Variants in ADAM2 observed in about 807,000 individuals in gnomAD.
ADAM2 encodes disintegrin and metalloproteinase domain-containing protein 2.
Under a neutral mutation model 99.3 loss-of-function variants are expected in ADAM2, and 101 were observed. The ratio of observed to expected loss-of-function variants is 1.02; its 90% CI spans 0.87 to 1.20. The LOEUF is 1.20. Ranked by LOEUF, ADAM2 falls within the 50% of genes most tolerant of loss-of-function variation. The pLI, the probability that ADAM2 is intolerant of heterozygous loss-of-function variation, is 0.00. For synonymous variants in ADAM2, 323 were observed against 287.6 expected (o/e 1.12, Z -1.25); for missense variants, 948 against 878.7 (o/e 1.08, Z -1.00).
At chr8:39,807,200 C>T (rs1586133585) in intron 7 of ADAM2, among the ~76,000 whole-genome samples, 2 of 152,334 alleles carry the variant, frequency 1.3e-5, no homozygotes, top group South Asian at 4.1e-4. Context: ...GCTAGACTTT[C>T]GGACTTGCTT....
rs57655234 is a variant in ADAM2, at chr8:39,767,896, T to TCACACACACACA, written c.1213-657_1213-646dup. 5.5e-3 allele frequency among the ~76,000 whole-genome samples: 816 copies of TCACACACACACA among 147,886 alleles called. 8 individuals are homozygous for TCACACACACACA. The highest frequency in any genetic ancestry group is 0.011 in the Middle Eastern group (3 of 276). On this transcript the variant is annotated intron_variant, in intron 12 of 20. Coordinates refer to ENST00000265708, the MANE Select transcript of ADAM2 (RefSeq NM_001464.5). ...ATAAGAAGGCTAAAAGACAATGCAT[T>TCACACACACACA]CACACACACACACACACACACACAC...
At chr8:39,749,623 A>G (rs751853606) in intron 17 of ADAM2, 44 bp downstream of exon 17, 11 of 1,538,992 alleles carry the variant, frequency 7.1e-6, no homozygotes, top group Admixed American at 1.7e-5. Context: ...TCCTAAAATT[A>G]GGCTCAATGA....
At chr8:39,784,616 C>A (rs1803380250) in intron 10 of ADAM2, among the ~76,000 whole-genome samples, 2 of 152,154 alleles carry the variant, frequency 1.3e-5, no homozygotes, top group South Asian at 4.1e-4. Context: ...TAGAGAAAAT[C>A]AGTTCTGCTC....
chr8:39,795,301 AG>A (rs977506245), intron 7 of ADAM2, among the ~76,000 whole-genome samples: 24 of 152,106 alleles, frequency 1.6e-4, no homozygotes, highest in Admixed American at 1.1e-3. Flanking sequence ...TGATGGGAAG[AG>A]GGGTGGGGGT....
Position 39,766,928 on chromosome 8 carries a change from G to T in ADAM2, c.1427C>A (p.Pro476Gln), listed in dbSNP as rs752991137. Residue 476 changes from proline (P) to glutamine (Q), a missense_variant, in exon 14 of 21, where the codon CCG (proline) becomes CAG (glutamine). By Grantham distance (76) the Pro-to-Gln change is moderately conservative. Coordinates refer to ENST00000265708, the MANE Select transcript of ADAM2 (RefSeq NM_001464.5). ...PENHYVQTGH[P>Q]CGLNQWICID... ...ACAGATCCATTGATTCAGTCCACAC[G>T]GATGCCCAGTCTGAACATAGTGGTT... 3 of 1,613,862 alleles carry T rather than the reference G, an allele frequency of 1.9e-6. No individual in the cohort carries two copies. The highest frequency in any genetic ancestry group is 2.5e-6 in the Non-Finnish European group (3 of 1,179,954).
chr8:39,746,706 G>A (rs553741546), intron 18 of ADAM2, 75 bp from the exon 19 acceptor site: 172 of 1,132,928 alleles, frequency 1.5e-4, no homozygotes, highest in African/African-American at 1.2e-3. Context: ...ATTTTACTAC[G>A]TCTACCAAAA....
chr8:39,838,129 ACTACTGT>A lies in ADAM2; in HGVS notation c.50_55+1del. 6.2e-7 allele frequency: 1 copy of A among 1,614,132 alleles called. No individual in the cohort carries two copies. Among genetic ancestry groups the A allele is most frequent in the Non-Finnish European group, 8.5e-7 (1 of 1,180,020 alleles). On this transcript the variant is annotated splice_donor_variant and coding_sequence_variant, in exon 1 of 21. Coordinates refer to ENST00000265708, the MANE Select transcript of ADAM2 (RefSeq NM_001464.5). LOFTEE classifies it high-confidence loss of function. ...GGCCAGAGGAGGGGTTTTTCTGCTT[ACTACTGT>A]CCATCCGCAGCCCGCCGAGCCCGCT... is the stretch of plus-strand genomic sequence containing the variant.
chr8:39,791,287 A>G (rs955976669), intron 7 of ADAM2, among the ~76,000 whole-genome samples: 1 of 152,042 alleles, frequency 6.6e-6, no homozygotes, highest in Non-Finnish European at 1.5e-5. Context: ...TCTCTGCTTT[A>G]ACCCATATAA....
At position 39,746,461 on chromosome 8, in the gene ADAM2, A is replaced by G; in HGVS notation, c.2174+11T>C. 6.6e-7 allele frequency: 1 copy of G among 1,505,256 alleles called. No homozygotes were observed. The highest frequency in any genetic ancestry group is 8.9e-7 in the Non-Finnish European group (1 of 1,125,054). 93.2% of individuals were successfully genotyped at this position (1,505,256 alleles called of 1,614,324 possible). ...TACAAATAACAAATCTTAAATATGA[A>G]ATCAATATACTCATCGCTTGAATAG... On this transcript the variant is annotated intron_variant, in intron 19 of 20. Coordinates refer to ENST00000265708, the MANE Select transcript of ADAM2 (RefSeq NM_001464.5).
At position 39,788,152 on chromosome 8, in the gene ADAM2, G is replaced by A. The variant is rs1300538842; in HGVS notation, c.742C>T (p.His248Tyr). 6.3e-7 allele frequency: 1 copy of A among 1,588,752 alleles called. No homozygotes were observed. Among genetic ancestry groups the A allele is most frequent in the Non-Finnish European group, 8.6e-7 (1 of 1,167,368 alleles). Residue 248 changes from histidine (H) to tyrosine (Y), a missense_variant, in exon 9 of 21, where the codon CAC (histidine) becomes TAC (tyrosine). Coordinates refer to ENST00000265708, the MANE Select transcript of ADAM2 (RefSeq NM_001464.5). ...GATGTTTTCCATCTTAAAAATGTGT[G>A]TAATAACTCATTAGCTTCTCCAGTG... ...ATTGEANELL[H>Y]TFLRWKTSYL...
rs535388074 is a variant in ADAM2, at chr8:39,755,827, G to A, written c.1698C>T (p.Asn566=). The change falls in exon 16 of 21, where the codon AAC becomes AAT. Residue 566 remains asparagine, a synonymous_variant. Transcript: ENST00000265708. ...QIPRATIIYA[N]ISGHLCIAVE... is the part of the protein sequence containing the mutation. ...CAGCAATGCAGAGATGTCCACTTATGTTGGCATAAATAATAGTGGCTCTTG... is the reference window on the plus strand; with the variant it reads ...CAGCAATGCAGAGATGTCCACTTATATTGGCATAAATAATAGTGGCTCTTG... The A allele has an allele frequency of 8.1e-6, 13 of 1,608,404 alleles. No homozygotes were observed. In the Admixed American group the frequency reaches 2.2e-4, roughly 27 times the overall value.
chr8:39,770,237 G>A (rs1415556757), intron 11 of ADAM2, among the ~76,000 whole-genome samples: 2 of 152,098 alleles, frequency 1.3e-5, no homozygotes, highest in African/African-American at 2.4e-5. Flanking sequence ...GTGAGCCAAC[G>A]CGCCCAGCCC....
intron 4 of ADAM2, among the ~76,000 whole-genome samples, chr8:39,824,257 T>TGGGCAATAA (rs1805309732): frequency 7.3e-6 from 1 of 137,148 alleles, no homozygotes; most frequent in Non-Finnish European, 1.5e-5. Context: ...CACTCCAGCC[T>TGGGCAATAA]GAGTGAAACT....
intron 16 of ADAM2, among the ~76,000 whole-genome samples, chr8:39,750,085 ATG>A (rs1823666127): frequency 6.6e-6 from 1 of 152,182 alleles, no homozygotes. Flanking sequence ...AATACAGGAA[ATG>A]TGTCAAATAT....
intron 14 of ADAM2, among the ~76,000 whole-genome samples, chr8:39,762,990 G>C (rs114747045): frequency 0.015 from 2,341 of 152,180 alleles, 56 homozygotes; most frequent in African/African-American, 0.055. Context: ...TTTTAACTTG[G>C]GCATATTCTC....
chr8:39,814,479 T>C (rs1226495296), intron 6 of ADAM2, among the ~76,000 whole-genome samples: 1 of 152,144 alleles, frequency 6.6e-6, no homozygotes, highest in East Asian at 1.9e-4. Flanking sequence ...AGGACAAAGG[T>C]TGCCTTGGCC....
intron 6 of ADAM2, among the ~76,000 whole-genome samples, chr8:39,812,593 A>G (rs1804751799): frequency 6.6e-6 from 1 of 152,216 alleles, no homozygotes; most frequent in African/African-American, 2.4e-5. Flanking sequence ...GACCAATGGA[A>G]CAGATCAGAG....
intron 10 of ADAM2, among the ~76,000 whole-genome samples, chr8:39,781,914 C>T (rs991458896): frequency 4.6e-5 from 7 of 152,086 alleles, no homozygotes; most frequent in South Asian, 2.1e-4. Context: ...AAGAGGCCAG[C>T]GATATGGCGA....
chr8:39,816,205 G>A (rs1804934793), intron 6 of ADAM2, among the ~76,000 whole-genome samples: 1 of 152,146 alleles, frequency 6.6e-6, no homozygotes, highest in Non-Finnish European at 1.5e-5. Flanking sequence ...GCTGAGGCAG[G>A]AGAATCACTT....
Sources: allele counts gnomAD v4.1 joint callset (sites outside exome capture counted in the v4.1 genomes callset), GRCh38; gene constraint gnomAD v4.1.1; transcripts MANE v1.5; gene names NCBI Gene and HGNC (gene_info 2026-07-23, HGNC 2026-07-21).